ZNF845: variants seen among roughly 807,000 people sequenced by gnomAD.
The protein encoded by ZNF845 is zinc finger protein 845.
Under a neutral mutation model 76.1 loss-of-function variants are expected in ZNF845, and 59 were observed. That is an observed-to-expected ratio of 0.78 (90% CI 0.63 to 0.96). The LOEUF is 0.96. Ranked by LOEUF, ZNF845 falls within the 40% of genes least tolerant of loss-of-function variation. The pLI is 0.00. For synonymous variants in ZNF845, 361 were observed against 386.9 expected, an observed-to-expected ratio of 0.93 and a Z score of 0.78; for missense variants, 1,045 against 1,172.8, an observed-to-expected ratio of 0.89 and a Z score of 1.59.
At position 53,351,762 on chromosome 19, in the gene ZNF845, G is replaced by A; in HGVS notation, c.1087G>A (p.Ala363Thr). The A allele has an allele frequency of 1.2e-6, 2 of 1,613,788 alleles. No individual in the cohort carries two copies. Among genetic ancestry groups the A allele is most frequent in the African/African-American group, 2.7e-5 (2 of 74,932 alleles). Reference protein sequence around the residue: ...KPYKCEECDKAFSFKSNLERH... With the variant: ...KPYKCEECDKTFSFKSNLERH... ...TTACAAATGTGAAGAATGTGACAAA[G>A]CTTTCAGTTTCAAATCAAACCTTGA... Residue 363 changes from alanine to threonine, a missense_variant, in exon 4 of 4, where the codon GCT (alanine) becomes ACT (threonine). Coordinates refer to ENST00000458035, the MANE Select transcript of ZNF845 (RefSeq NM_138374.3).
At position 53,353,919 on chromosome 19, in the gene ZNF845, G is replaced by A; in HGVS notation, c.*331G>A. 1 of 932,804 alleles carries A rather than the reference G, an allele frequency of 1.1e-6. No homozygotes were observed. Among genetic ancestry groups the A allele is most frequent in the Non-Finnish European group, 1.6e-6 (1 of 643,808 alleles). 57.8% of individuals were successfully genotyped at this position (932,804 alleles called of 1,614,324 possible). A position where few individuals can be genotyped will look rare whatever the true frequency, so the allele number is the denominator to read the frequency against. ...TGGAGAATCCATAATGAGAGATTTT[G>A]AAAGTGTAATAAATGTGGCAAATTT... On this transcript the variant is annotated 3_prime_UTR_variant, in exon 4 of 4. Transcript: ENST00000458035.
At position 53,354,742 on chromosome 19, in the gene ZNF845, T is replaced by C. The variant is rs1042239345; in HGVS notation, c.*1154T>C. Reference sequence around the variant, plus strand: ...AGTTTCATAGCAAATTGAAGTGTGTTCATAAGTTTCTTTAAACATTATTTA... The same window carrying C: ...AGTTTCATAGCAAATTGAAGTGTGTCCATAAGTTTCTTTAAACATTATTTA... On this transcript the variant is annotated 3_prime_UTR_variant, in exon 4 of 4. Transcript: ENST00000458035. The C allele has an allele frequency of 6.6e-6, 1 of 152,238 alleles. No individual in the cohort carries two copies. The highest frequency in any genetic ancestry group is 1.5e-5 in the Non-Finnish European group (1 of 68,040). The allele number at this position is 152,238 out of a possible 1,614,324, so 9.4% of individuals were successfully genotyped here.
intron 1 of ZNF845, chr19:53,337,032 G>A (rs2085220076): frequency 2.2e-6 from 1 of 450,260 alleles, no homozygotes; most frequent in Admixed American, 2.4e-5. Flanking sequence ...AATGTTGAAA[G>A]CCCAACTCCT....
intron 2 of ZNF845, among the ~76,000 whole-genome samples, chr19:53,344,562 A>G (rs1456577191): frequency 1.4e-5 from 2 of 143,414 alleles, no homozygotes; most frequent in South Asian, 2.3e-4. Context: ...AGTTTCTAAC[A>G]TTTCTGTAAC....
Position 53,353,449 on chromosome 19 carries a change from G to A in ZNF845, c.2774G>A (p.Arg925His), listed in dbSNP as rs200114728. ...TGTAATGAGTGTGGCAAAACCTTCC[G>A]TCACAATTCAGTCCTTGTAATTCAT... The part of the protein sequence containing the change: ...YKCNECGKTF[R>H]HNSVLVIHKT... Residue 925 changes from arginine (R) to histidine (H), a missense_variant, in exon 4 of 4, where the codon CGT becomes CAT. Arg to His is a conservative substitution (Grantham distance 29, BLOSUM62 0). Transcript: ENST00000458035. 958 of 1,613,248 alleles carry A rather than the reference G, an allele frequency of 5.9e-4. No individual in the cohort carries two copies. Among genetic ancestry groups the A allele is most frequent in the African/African-American group, 1.9e-3 (141 of 74,818 alleles).
At chr19:53,344,634 T>TG (rs60420832) in intron 2 of ZNF845, among the ~76,000 whole-genome samples, 1 of 150,028 alleles carries the variant, frequency 6.7e-6, no homozygotes, top group Non-Finnish European at 1.5e-5. Context: ...TTTTATTTTA[T>TG]TTTATTTTAT....
Position 53,353,942 on chromosome 19 carries a change from T to G in ZNF845, c.*354T>G. ...TTGAAAGTGTAATAAATGTGGCAAA[T>G]TTTTCAGACATTGTTCATACCTTGC... is the stretch of plus-strand genomic sequence containing the variant. On this transcript the variant is annotated 3_prime_UTR_variant, in exon 4 of 4. Transcript: ENST00000458035. 1.5e-6 allele frequency: 1 copy of G among 682,348 alleles called. No homozygotes were observed. Among genetic ancestry groups the G allele is most frequent in the Non-Finnish European group, 2.3e-6 (1 of 431,540 alleles). The allele number at this position is 682,348 out of a possible 1,614,324, so 42.3% of individuals were successfully genotyped here. A position where few individuals can be genotyped will look rare whatever the true frequency, so the allele number is the denominator to read the frequency against.
Position 53,341,266 on chromosome 19 carries a change from G to T in ZNF845, c.-42G>T. 1 of 1,613,282 alleles carries T rather than the reference G, an allele frequency of 6.2e-7. No homozygotes were observed. The highest frequency in any genetic ancestry group is 8.5e-7 in the Non-Finnish European group (1 of 1,179,472). On this transcript the variant is annotated 5_prime_UTR_variant, in exon 2 of 4. Transcript: ENST00000458035. The stretch of plus-strand genomic sequence containing the variant: ...CTTCTAAAGACTCTTGGTACGTGAG[G>T]AAGAAACCCGGAAGAGGAAGAGGAA...
chr19:53,349,633 G>C (rs2085320231), intron 3 of ZNF845, among the ~76,000 whole-genome samples: 1 of 151,972 alleles, frequency 6.6e-6, no homozygotes, highest in Admixed American at 6.6e-5. Flanking sequence ...CTTATTATTT[G>C]CTTGCTGATT....
rs1286035167 is a variant in ZNF845, at chr19:53,354,810, T to G, written c.*1222T>G. ...TTCAACTAATTTTGGGTGCTGATTT[T>G]GTATTCTGCAAATACATTGAGTGGG... is the stretch of plus-strand genomic sequence containing the variant. On this transcript the variant is annotated 3_prime_UTR_variant, in exon 4 of 4. Transcript: ENST00000458035. 2.0e-5 allele frequency: 3 copies of G among 152,232 alleles called. No homozygotes were observed. Among genetic ancestry groups the G allele is most frequent in the African/African-American group, 4.8e-5 (2 of 41,462 alleles). The allele number at this position is 152,232 out of a possible 1,614,324, so 9.4% of individuals were successfully genotyped here.
chr19:53,337,177 C>T (rs958988059), intron 1 of ZNF845: 10 of 456,812 alleles, frequency 2.2e-5, no homozygotes, highest in Non-Finnish European at 4.0e-5. Flanking sequence ...TAAAACCCTT[C>T]CTGTCTCAGG....
Position 53,354,123 on chromosome 19 carries a change from T to C in ZNF845, c.*535T>C, listed in dbSNP as rs2085367046. ...TTGCAGCAAAGCCTTTACTTCACGTTCACACCTAATTAGACATCAGAGAAT... is the reference window on the plus strand; with the variant it reads ...TTGCAGCAAAGCCTTTACTTCACGTCCACACCTAATTAGACATCAGAGAAT... On this transcript the variant is annotated 3_prime_UTR_variant, in exon 4 of 4. Transcript: ENST00000458035. 1 of 591,664 alleles carries C rather than the reference T, an allele frequency of 1.7e-6. No individual in the cohort carries two copies. The allele number at this position is 591,664 out of a possible 1,614,324, so 36.7% of individuals were successfully genotyped here.
chr19:53,344,604 A>ATTTATTTTATTTTATTTTATTTTAT (rs61048596), intron 2 of ZNF845, among the ~76,000 whole-genome samples: 2,038 of 126,906 alleles, frequency 0.016, 67 homozygotes, highest in East Asian at 0.074. Flanking sequence ...ATTTTATTTT[A>ATTTATTTTATTTTATTTTATTTTAT]TTTATTTTAT....
chr19:53,337,700 C>T (rs2085225532), intron 1 of ZNF845, among the ~76,000 whole-genome samples: 1 of 152,136 alleles, frequency 6.6e-6, no homozygotes, highest in Non-Finnish European at 1.5e-5. Flanking sequence ...TCCTGAGTAG[C>T]TGGGATTACA....
At position 53,353,144 on chromosome 19, in the gene ZNF845, A is replaced by T; in HGVS notation, c.2469A>T (p.Ala823=). The change falls in exon 4 of 4, where the codon GCA becomes GCT. Residue 823 remains alanine, a synonymous_variant. Coordinates refer to ENST00000458035, the MANE Select transcript of ZNF845 (RefSeq NM_138374.3). Reference sequence around the variant, plus strand: ...ATTCAGCCCTTGTAATTCATAAGGCAATTCATAGTGGAGAGAAACCTTACA... The same window carrying T: ...ATTCAGCCCTTGTAATTCATAAGGCTATTCATAGTGGAGAGAAACCTTACA... ...RHNSALVIHK[A]IHSGEKPYKC... The T allele has an allele frequency of 6.2e-7, 1 of 1,612,134 alleles. No homozygotes were observed. The highest frequency in any genetic ancestry group is 8.5e-7 in the Non-Finnish European group (1 of 1,178,420).
intron 1 of ZNF845, chr19:53,337,037 A>G (rs1599966537): frequency 4.0e-5 from 18 of 451,808 alleles, no homozygotes; most frequent in South Asian, 2.3e-4. Context: ...TGAAAGCCCA[A>G]CTCCTCACTG....
Position 53,353,336 on chromosome 19 carries a change from CAAGTGTAATA to C in ZNF845, c.2664_2673del (p.Lys888AsnfsTer41). 1 of 1,612,916 alleles carries C rather than the reference CAAGTGTAATA, an allele frequency of 6.2e-7. No homozygotes were observed. The highest frequency in any genetic ancestry group is 8.5e-7 in the Non-Finnish European group (1 of 1,179,658). On this transcript the variant is annotated frameshift_variant, in exon 4 of 4. Transcript: ENST00000458035. LOFTEE classifies it high-confidence loss of function. The stretch of plus-strand genomic sequence containing the variant: ...GACTTCATACTGGAGAGAAACCTTA[CAAGTGTAATA>C]AATGTGGTAAGGTTTTTAATCAACA...
intron 1 of ZNF845, 71 bp from the exon 2 acceptor site, chr19:53,341,164 G>T: frequency 7.5e-7 from 1 of 1,327,018 alleles, no homozygotes; most frequent in Non-Finnish European, 1.0e-6. Context: ...GGTCTCCTTT[G>T]TATGTTTCAT....
chr19:53,343,884 G>T (rs191055883), intron 2 of ZNF845, among the ~76,000 whole-genome samples: 1 of 151,924 alleles, frequency 6.6e-6, no homozygotes, highest in Non-Finnish European at 1.5e-5. Context: ...ACAGTGGCGC[G>T]ATCTTAGCTC....
Sources: allele counts gnomAD v4.1 joint callset (sites outside exome capture counted in the v4.1 genomes callset), GRCh38; gene constraint gnomAD v4.1.1; transcripts MANE v1.5; gene names NCBI Gene and HGNC (gene_info 2026-07-23, HGNC 2026-07-21).